The following P2RY1 variants were observed in gnomAD, a reference collection of about 807,000 sequenced individuals.
The protein encoded by P2RY1 is purinergic receptor P2Y1, also known as P2Y purinoceptor 1.
A neutral mutation model predicts 22.8 loss-of-function variants in P2RY1; 14 were observed. The observed-to-expected ratio is 0.61, with a 90% CI of 0.41 to 0.96. P2RY1 has a LOEUF of 0.96. P2RY1 is among the 40% of genes least tolerant of loss of function. The probability of loss-of-function intolerance (pLI) is 0.00; values close to 1 mark genes in which losing one functional copy is unlikely to be tolerated. For synonymous variants in P2RY1, 200 were observed against 195.1 expected, an observed-to-expected ratio of 1.03 and a Z score of -0.21; for missense variants, 395 against 470.3, an observed-to-expected ratio of 0.84 and a Z score of 1.48.
At position 152,840,758 on chromosome 3, in the gene P2RY1, T is replaced by A. The variant is rs1716277553; in HGVS notation, c.*3854T>A. 1 of 152,208 alleles carries A rather than the reference T, an allele frequency of 6.6e-6. No homozygotes were observed. Among genetic ancestry groups the A allele is most frequent in the African/African-American group, 2.4e-5 (1 of 41,454 alleles). The allele number at this position is 152,208 out of a possible 1,614,324, so 9.4% of individuals were successfully genotyped here. A position where few individuals can be genotyped will look rare whatever the true frequency, so the allele number is the denominator to read the frequency against. ...TCTTAACTGTTTTGAGATGGAATTT[T>A]AAAGTAACACACTACCAGCGAGTTC... On this transcript the variant is annotated 3_prime_UTR_variant, in exon 1 of 1. Coordinates refer to ENST00000305097, the MANE Select transcript of P2RY1 (RefSeq NM_002563.5).
At position 152,836,287 on chromosome 3, in the gene P2RY1, A is replaced by T. The variant is rs1226348649; in HGVS notation, c.505A>T (p.Ile169Phe). 1.2e-6 allele frequency: 2 copies of T among 1,614,060 alleles called. No homozygotes were observed. ...GGGCCGGCTCAAAAAGAAGAATGCG[A>T]TCTGTATCAGCGTGCTGGTGTGGCT... ...SLGRLKKKNA[I>F]CISVLVWLIV... Residue 169 changes from isoleucine (I) to phenylalanine (F), a missense_variant, in exon 1 of 1, where the codon ATC (isoleucine) becomes TTC (phenylalanine). Around this residue, in one of 3 missense-constraint regions of P2RY1, gnomAD observed 291 missense variants for 361.6 expected, o/e 0.80. Coordinates refer to ENST00000305097, the MANE Select transcript of P2RY1 (RefSeq NM_002563.5). This position sits in a 1 kb window ranked among gnomAD's most constrained non-coding sequence, Gnocchi z 5.6.
chr3:152,840,292 A>T lies in P2RY1; in HGVS notation c.*3388A>T, dbSNP rs1421398853. 1 of 152,196 alleles carries T rather than the reference A, an allele frequency of 6.6e-6. No homozygotes were observed. The highest frequency in any genetic ancestry group is 1.9e-4 in the East Asian group (1 of 5,204). 9.4% of individuals were successfully genotyped at this position (152,196 alleles called of 1,614,324 possible). A position where few individuals can be genotyped will look rare whatever the true frequency, so the allele number is the denominator to read the frequency against. ...GTCTAAAATATGAAAATGTTTCATG[A>T]TACAAGTGATTAATTTTCCCTAGTA... On this transcript the variant is annotated 3_prime_UTR_variant, in exon 1 of 1. Transcript: ENST00000305097.
Position 152,835,903 on chromosome 3 carries a change from A to G in P2RY1, c.121A>G (p.Lys41Glu), listed in dbSNP as rs1456573594. ...CACTGCCGCCGTCTCCTCGTCGTTCAAATGCGCCTTGACCAAGACGGGCTT... is the reference window on the plus strand; with the variant it reads ...CACTGCCGCCGTCTCCTCGTCGTTCGAATGCGCCTTGACCAAGACGGGCTT... ...ASTAAVSSSF[K>E]CALTKTGFQF... is the part of the protein sequence containing the mutation. The change falls in exon 1 of 1, where the codon AAA (lysine) becomes GAA (glutamate). Residue 41 changes from lysine (K) to glutamate (E), a missense_variant. This residue lies in a region of P2RY1 where 98 missense variants were observed against 87.7 expected (regional missense o/e 1.12). Transcript: ENST00000305097. 1 of 1,614,168 alleles carries G rather than the reference A, an allele frequency of 6.2e-7. No homozygotes were observed. The highest frequency in any genetic ancestry group is 8.5e-7 in the Non-Finnish European group (1 of 1,180,040).
In P2RY1 at chr3:152,838,918, A is replaced by G. The variant is rs995270458; in HGVS notation, c.*2014A>G. 6.6e-6 allele frequency: 1 copy of G among 152,144 alleles called. No homozygotes were observed. The highest frequency in any genetic ancestry group is 2.4e-5 in the African/African-American group (1 of 41,426). 9.4% of individuals were successfully genotyped at this position (152,144 alleles called of 1,614,324 possible). A position where few individuals can be genotyped will look rare whatever the true frequency, so the allele number is the denominator to read the frequency against. ...TCTAAAATATGTCATTACTTTATTG[A>G]CCTTGTTAAACAAGATCAATATCAT... On this transcript the variant is annotated 3_prime_UTR_variant, in exon 1 of 1. Coordinates refer to ENST00000305097, the MANE Select transcript of P2RY1 (RefSeq NM_002563.5).
chr3:152,839,458 T>G lies in P2RY1; in HGVS notation c.*2554T>G, dbSNP rs989863832. The G allele has an allele frequency of 4.6e-5, 7 of 152,180 alleles. No individual in the cohort carries two copies. The highest frequency in any genetic ancestry group is 1.7e-4 in the African/African-American group (7 of 41,440). 9.4% of individuals were successfully genotyped at this position (152,180 alleles called of 1,614,324 possible). A position where few individuals can be genotyped will look rare whatever the true frequency, so the allele number is the denominator to read the frequency against. ...CATTTGGATAAAAAACTGCTAACAT[T>G]ATAGAACTTATTACCTAACAAAATT... On this transcript the variant is annotated 3_prime_UTR_variant, in exon 1 of 1. Transcript: ENST00000305097.
rs914039973 is a variant in P2RY1 at position 152,835,473 on chromosome 3, C to T, written c.-310C>T. 5.1e-6 allele frequency: 2 copies of T among 395,742 alleles called. No homozygotes were observed. Among genetic ancestry groups the T allele is most frequent in the African/African-American group, 2.1e-5 (1 of 46,708 alleles). The allele number at this position is 395,742 out of a possible 1,614,324, so 24.5% of individuals were successfully genotyped here. On this transcript the variant is annotated 5_prime_UTR_variant, in exon 1 of 1. Transcript: ENST00000305097. ...CCGCGGCCCCTCGGGAAAGCGCAGT[C>T]GGAAAGTTATCCGCGGCGGTTCCCT...
chr3:152,835,510 T>A lies in P2RY1; in HGVS notation c.-273T>A. On this transcript the variant is annotated 5_prime_UTR_variant, in exon 1 of 1. Coordinates refer to ENST00000305097, the MANE Select transcript of P2RY1 (RefSeq NM_002563.5). ...CGCGGCGGTTCCCTGCGCGCCCTGT[T>A]GTGTAAGCTCGGCGTTGCCAGCGGA... 1 of 473,530 alleles carries A rather than the reference T, an allele frequency of 2.1e-6. No homozygotes were observed. 29.3% of individuals were successfully genotyped at this position (473,530 alleles called of 1,614,324 possible).
Position 152,835,576 on chromosome 3 carries a change from C to T in P2RY1, c.-207C>T. 1.8e-6 allele frequency: 1 copy of T among 558,318 alleles called. No homozygotes were observed. The highest frequency in any genetic ancestry group is 3.1e-6 in the Non-Finnish European group (1 of 322,464). The allele number at this position is 558,318 out of a possible 1,614,324, so 34.6% of individuals were successfully genotyped here. On this transcript the variant is annotated 5_prime_UTR_variant, in exon 1 of 1. Transcript: ENST00000305097. ...CTTGCCCGATAGCCCAGTTCGGTGG[C>T]GGCCCGGGGCGGATTTCATGGCCCG...
Position 152,840,664 on chromosome 3 carries a change from T to C in P2RY1, c.*3760T>C. On this transcript the variant is annotated 3_prime_UTR_variant, in exon 1 of 1. Coordinates refer to ENST00000305097, the MANE Select transcript of P2RY1 (RefSeq NM_002563.5). ...TGGGGAGAGAAAAAGGCAGCTGGTA[T>C]AATCGGTTACTGCTGCTTAGTTCTA... The C allele has an allele frequency of 6.6e-6, 1 of 152,222 alleles. No homozygotes were observed. The highest frequency in any genetic ancestry group is 1.9e-4 in the East Asian group (1 of 5,204). The allele number at this position is 152,222 out of a possible 1,614,324, so 9.4% of individuals were successfully genotyped here.
At position 152,836,208 on chromosome 3, in the gene P2RY1, G is replaced by C; in HGVS notation, c.426G>C (p.Leu142=). ...HVNLYGSILF[L]TCISAHRYSG... is the part of the protein sequence containing the mutation. ...ACCTCTATGGCAGCATCTTGTTTCT[G>C]ACATGCATCAGTGCCCACCGGTACA... Residue 142 remains leucine (L), a synonymous_variant, in exon 1 of 1, where the codon CTG becomes CTC. Coordinates refer to ENST00000305097, the MANE Select transcript of P2RY1 (RefSeq NM_002563.5). This position sits in a 1 kb window ranked among gnomAD's most constrained non-coding sequence, Gnocchi z 5.6. 1 of 1,614,100 alleles carries C rather than the reference G, an allele frequency of 6.2e-7. No homozygotes were observed.
In P2RY1 at chr3:152,836,045, T is replaced by G; in HGVS notation, c.263T>G (p.Val88Gly). 1 of 1,614,206 alleles carries G rather than the reference T, an allele frequency of 6.2e-7. No homozygotes were observed. Among genetic ancestry groups the G allele is most frequent in the Non-Finnish European group, 8.5e-7 (1 of 1,180,042 alleles). The change falls in exon 1 of 1, where the codon GTG (valine) becomes GGG (glycine). Residue 88 changes from valine (V) to glycine (G), a missense_variant. Transcript: ENST00000305097. This position sits in a 1 kb window ranked among gnomAD's most constrained non-coding sequence, Gnocchi z 5.6. The stretch of plus-strand genomic sequence containing the variant: ...ATGAAGCCCTGGAGCGGCATCTCCG[T>G]GTACATGTTCAATTTGGCTCTGGCC... ...FHMKPWSGIS[V>G]YMFNLALADF... is the part of the protein sequence containing the mutation.
In P2RY1 at chr3:152,840,720, TGA is replaced by T. The variant is rs1212555072; in HGVS notation, c.*3819_*3820del. 1 of 152,152 alleles carries T rather than the reference TGA, an allele frequency of 6.6e-6. No individual in the cohort carries two copies. Among genetic ancestry groups the T allele is most frequent in the African/African-American group, 2.4e-5 (1 of 41,430 alleles). 9.4% of individuals were successfully genotyped at this position (152,152 alleles called of 1,614,324 possible). A position where few individuals can be genotyped will look rare whatever the true frequency, so the allele number is the denominator to read the frequency against. ...TTTTTTGTGTTGCTTCTTCTTAAGG[TGA>T]GATAGCATAATCTTAACTGTTTTGA... On this transcript the variant is annotated 3_prime_UTR_variant, in exon 1 of 1. Coordinates refer to ENST00000305097, the MANE Select transcript of P2RY1 (RefSeq NM_002563.5).
chr3:152,840,697 T>G lies in P2RY1; in HGVS notation c.*3793T>G, dbSNP rs938892082. ...TACTGCTGCTTAGTTCTACTTAATT[T>G]TTTGTGTTGCTTCTTCTTAAGGTGA... On this transcript the variant is annotated 3_prime_UTR_variant, in exon 1 of 1. Coordinates refer to ENST00000305097, the MANE Select transcript of P2RY1 (RefSeq NM_002563.5). The G allele has an allele frequency of 6.6e-6, 1 of 152,188 alleles. No individual in the cohort carries two copies. Among genetic ancestry groups the G allele is most frequent in the African/African-American group, 2.4e-5 (1 of 41,454 alleles). 9.4% of individuals were successfully genotyped at this position (152,188 alleles called of 1,614,324 possible). A position where few individuals can be genotyped will look rare whatever the true frequency, so the allele number is the denominator to read the frequency against.
Position 152,835,601 on chromosome 3 carries a change from G to A in P2RY1, c.-182G>A, listed in dbSNP as rs1716130085. 6.7e-6 allele frequency: 4 copies of A among 596,296 alleles called. No individual in the cohort carries two copies. The highest frequency in any genetic ancestry group is 8.4e-6 in the Non-Finnish European group (3 of 355,538). 36.9% of individuals were successfully genotyped at this position (596,296 alleles called of 1,614,324 possible). A position where few individuals can be genotyped will look rare whatever the true frequency, so the allele number is the denominator to read the frequency against. On this transcript the variant is annotated 5_prime_UTR_variant, in exon 1 of 1. Transcript: ENST00000305097. ...CGGCCCGGGGCGGATTTCATGGCCC[G>A]CGGCGAACGCGGGGCCAGAGCTGGC...
Position 152,839,781 on chromosome 3 carries a change from T to G in P2RY1, c.*2877T>G, listed in dbSNP as rs1379131814. ...TGAAAACTAAACAGCCAGGAGCCTG[T>G]GAAATCTGCTACTGTATTTTCCAGG... On this transcript the variant is annotated 3_prime_UTR_variant, in exon 1 of 1. Transcript: ENST00000305097. 1 of 152,182 alleles carries G rather than the reference T, an allele frequency of 6.6e-6. No homozygotes were observed. Among genetic ancestry groups the G allele is most frequent in the Non-Finnish European group, 1.5e-5 (1 of 68,028 alleles). 9.4% of individuals were successfully genotyped at this position (152,182 alleles called of 1,614,324 possible).
chr3:152,836,535 C>T lies in P2RY1; in HGVS notation c.753C>T (p.Asn251=), dbSNP rs1161788751. The T allele has an allele frequency of 3.1e-6, 5 of 1,614,204 alleles. No homozygotes were observed. Among genetic ancestry groups the T allele is most frequent in the Admixed American group, 3.3e-5 (2 of 60,016 alleles). ...VRALIYKDLD[N]SPLRRKSIYL... The stretch of plus-strand genomic sequence containing the variant: ...CTTTGATTTACAAAGATCTGGACAA[C>T]TCTCCTCTGAGGAGAAAATCGATTT... The change falls in exon 1 of 1, where the codon AAC becomes AAT. Residue 251 remains asparagine, a synonymous_variant. Coordinates refer to ENST00000305097, the MANE Select transcript of P2RY1 (RefSeq NM_002563.5). This position sits in a 1 kb window ranked among gnomAD's most constrained non-coding sequence, Gnocchi z 5.6.
rs745322567 is a variant in P2RY1 at position 152,835,757 on chromosome 3, C to T, written c.-26C>T. The T allele has an allele frequency of 2.6e-6, 4 of 1,547,442 alleles. No homozygotes were observed. The highest frequency in any genetic ancestry group is 3.8e-5 in the Admixed American group (2 of 52,580). On this transcript the variant is annotated 5_prime_UTR_variant, in exon 1 of 1. Coordinates refer to ENST00000305097, the MANE Select transcript of P2RY1 (RefSeq NM_002563.5). The stretch of plus-strand genomic sequence containing the variant: ...TCTCGCCGCCTCCTACCCCTCGGAG[C>T]CGCCGCCTAAGTCGAGGAGGAGAGA...
rs1013787318 is a variant in P2RY1 at position 152,837,234 on chromosome 3, T to C, written c.*330T>C. ...TGAGTACTGGGGCTGTTTTTGATAT[T>C]AGTAATTTCTCTAAGAAAACTAGCC... On this transcript the variant is annotated 3_prime_UTR_variant, in exon 1 of 1. Transcript: ENST00000305097. The C allele has an allele frequency of 1.3e-4, 28 of 218,204 alleles. No homozygotes were observed. The highest frequency in any genetic ancestry group is 2.2e-4 in the Non-Finnish European group (22 of 102,168). 13.5% of individuals were successfully genotyped at this position (218,204 alleles called of 1,614,324 possible).
chr3:152,836,274 AAAG>A lies in P2RY1; in HGVS notation c.498_500del (p.Lys166del). On this transcript the variant is annotated inframe_deletion, in exon 1 of 1. Coordinates refer to ENST00000305097, the MANE Select transcript of P2RY1 (RefSeq NM_002563.5). This position sits in a 1 kb window ranked among gnomAD's most constrained non-coding sequence, Gnocchi z 5.6. Reference sequence around the variant, plus strand: ...CCCTCAAGTCCCTGGGCCGGCTCAAAAAGAAGAATGCGATCTGTATCAGCGTGC... The same window carrying A: ...CCCTCAAGTCCCTGGGCCGGCTCAAAAAGAATGCGATCTGTATCAGCGTGC... 6.2e-7 allele frequency: 1 copy of A among 1,614,070 alleles called. No individual in the cohort carries two copies. The highest frequency in any genetic ancestry group is 8.5e-7 in the Non-Finnish European group (1 of 1,180,014).
Sources: allele counts gnomAD v4.1 joint callset, GRCh38; gene constraint gnomAD v4.1.1; regional missense constraint gnomAD v4.1.1; non-coding constraint Gnocchi (gnomAD v3.1); transcripts MANE v1.5; gene names NCBI Gene and HGNC (gene_info 2026-07-23, HGNC 2026-07-21).